Variants in FAM107B observed in about 807,000 individuals in gnomAD.
The protein encoded by FAM107B is family with sequence similarity 107 member B, also known as protein FAM107B.
In FAM107B, 21 loss-of-function variants were observed where a neutral mutation model predicts 31.5. The ratio of observed to expected loss-of-function variants is 0.67; its 90% CI spans 0.47 to 0.96. The LOEUF (loss-of-function observed/expected upper bound fraction) is 0.96, where lower values mean the gene tolerates loss of function less well. Among genes scored for constraint, FAM107B ranks in the 40% least tolerant of loss-of-function variants. FAM107B has a pLI of 0.00. For synonymous variants in FAM107B, 157 were observed against 141.5 expected, an observed-to-expected ratio of 1.11 and a Z score of -0.78; for missense variants, 452 against 377.1, an observed-to-expected ratio of 1.20 and a Z score of -1.64.
intron 1 of FAM107B, among the ~76,000 whole-genome samples, chr10:14,735,182 C>T (rs958014364): frequency 6.6e-5 from 10 of 152,230 alleles, no homozygotes; most frequent in African/African-American, 2.4e-4. Context: ...TAGGATAGAT[C>T]AAGCATGTCC....
chr10:14,575,571 CA>C (rs1851439741), intron 2 of FAM107B, among the ~76,000 whole-genome samples: 1 of 152,090 alleles, frequency 6.6e-6, no homozygotes, highest in African/African-American at 2.4e-5. Context: ...GCCTGGACAC[CA>C]AGGGAATACC....
chr10:14,703,422 C>T lies in FAM107B; in HGVS notation c.412-35731G>A, dbSNP rs191006248. Among the ~76,000 whole-genome samples, 841 of 151,728 alleles carry T rather than the reference C, an allele frequency of 5.5e-3. 8 individuals carry two copies. The highest frequency in any genetic ancestry group is 0.018 in the African/African-American group (751 of 41,342). ...TGTGATCCCGGCTCACTGCAACCTCCGCCTCTGGGTTCAAGCAATTCTGGT... is the reference window on the plus strand; with the variant it reads ...TGTGATCCCGGCTCACTGCAACCTCTGCCTCTGGGTTCAAGCAATTCTGGT... On this transcript the variant is annotated intron_variant, in intron 1 of 4. Coordinates refer to ENST00000181796, the MANE Select transcript of FAM107B (RefSeq NM_031453.4).
chr10:14,529,441 T>C (rs1444807913), intron 3 of FAM107B: 1 of 152,230 alleles, frequency 6.6e-6, no homozygotes, highest in African/African-American at 2.4e-5. Context: ...AGAATTGCCA[T>C]AAAAATGCCC....
rs1849659386 is a variant in FAM107B at position 14,555,925 on chromosome 10, A to ACACG, written c.470-25411_470-25410insCGTG. On this transcript the variant is annotated intron_variant, in intron 2 of 4. Transcript: ENST00000181796. ...CACACACACACACACACACACACAC[A>ACACG]CTGGGCAGTGCAATCAGGCCACACG... The ACACG allele has an allele frequency of 1.3e-5, 2 of 154,508 alleles. 1 individual carries two copies. The highest frequency in any genetic ancestry group is 4.1e-4 in the South Asian group (2 of 4,868). The allele number at this position is 154,508 out of a possible 1,614,324, so 9.6% of individuals were successfully genotyped here.
chr10:14,658,787 G>A (rs1854142244), intron 2 of FAM107B, among the ~76,000 whole-genome samples: 2 of 152,130 alleles, frequency 1.3e-5, no homozygotes, highest in South Asian at 4.1e-4. Flanking sequence ...TATATGTCAG[G>A]CTCCATCCTA....
chr10:14,668,235 G>T (rs748497269), intron 1 of FAM107B, among the ~76,000 whole-genome samples: 20 of 151,920 alleles, frequency 1.3e-4, no homozygotes, highest in African/African-American at 4.8e-4. Flanking sequence ...AGTAGAGACG[G>T]GGTTTCACCA....
rs555470854 is a variant in FAM107B at position 14,738,259 on chromosome 10, A to T, written c.411+35994T>A. On this transcript the variant is annotated intron_variant, in intron 1 of 4. Coordinates refer to ENST00000181796, the MANE Select transcript of FAM107B (RefSeq NM_031453.4). ...GGTTATCTTAGTCTTAAATGAGATAAGATGAAGCTCTCAGAATAGCAAATC... is the reference window on the plus strand; with the variant it reads ...GGTTATCTTAGTCTTAAATGAGATATGATGAAGCTCTCAGAATAGCAAATC... Among the ~76,000 whole-genome samples, 9 of 152,344 alleles carry T rather than the reference A, an allele frequency of 5.9e-5. No homozygotes were observed. In the South Asian group the frequency reaches 1.9e-3, roughly 32 times the overall value.
At chr10:14,643,055 C>A (rs1418745426) in intron 2 of FAM107B, among the ~76,000 whole-genome samples, 1 of 151,996 alleles carries the variant, frequency 6.6e-6, no homozygotes, top group Non-Finnish European at 1.5e-5. Flanking sequence ...CTACTTGGTT[C>A]CAAAATTTGT....
chr10:14,539,098 C>T (rs377610284), intron 2 of FAM107B, among the ~76,000 whole-genome samples: 3 of 152,240 alleles, frequency 2.0e-5, no homozygotes, highest in African/African-American at 7.2e-5. Flanking sequence ...CTCTCCATTA[C>T]TTAATGTTCC....
intron 2 of FAM107B, among the ~76,000 whole-genome samples, chr10:14,586,839 C>G (rs1484294672): frequency 6.6e-6 from 1 of 152,188 alleles, no homozygotes; most frequent in Non-Finnish European, 1.5e-5. Flanking sequence ...CCTCTACCCC[C>G]ACCAGGTTCC....
intron 1 of FAM107B, among the ~76,000 whole-genome samples, chr10:14,672,712 C>T (rs1361895833): frequency 6.6e-6 from 1 of 152,094 alleles, no homozygotes; most frequent in Non-Finnish European, 1.5e-5. Context: ...TAAGTTTATA[C>T]TTAGGGAGTT....
At chr10:14,576,552 A>AC (rs57295974) in intron 2 of FAM107B, among the ~76,000 whole-genome samples, 3,062 of 152,118 alleles carry the variant, frequency 0.02, 106 homozygotes, top group African/African-American at 0.069. Flanking sequence ...AACAACAACA[A>AC]AAAGCCACTG....
intron 2 of FAM107B, among the ~76,000 whole-genome samples, chr10:14,628,067 G>C (rs1289066847): frequency 6.7e-6 from 1 of 149,220 alleles, no homozygotes; most frequent in Non-Finnish European, 1.5e-5. Flanking sequence ...GAAGTCCATA[G>C]CTCTTTCTTT....
intron 2 of FAM107B, among the ~76,000 whole-genome samples, chr10:14,615,330 A>C (rs1852823511): frequency 6.6e-6 from 1 of 152,198 alleles, no homozygotes; most frequent in African/African-American, 2.4e-5. Flanking sequence ...CACCATCTCA[A>C]AAAAACAAAA....
At chr10:14,569,451 A>G (rs753180809) in intron 2 of FAM107B, among the ~76,000 whole-genome samples, 6 of 145,678 alleles carry the variant, frequency 4.1e-5, no homozygotes, top group African/African-American at 1.5e-4. Flanking sequence ...CGTTAAGATC[A>G]TAACATGTGG....
chr10:14,640,296 T>C (rs1853597297), intron 2 of FAM107B, among the ~76,000 whole-genome samples: 1 of 152,224 alleles, frequency 6.6e-6, no homozygotes, highest in South Asian at 2.1e-4. Context: ...ATTAACCACA[T>C]GCTCTGCTGC....
chr10:14,705,043 A>G (rs914066466), intron 1 of FAM107B, among the ~76,000 whole-genome samples: 1 of 150,908 alleles, frequency 6.6e-6, no homozygotes, highest in African/African-American at 2.4e-5. Context: ...AAAAAAAAAA[A>G]TAGACAAAGG....
chr10:14,566,792 G>A (rs748277668), intron 2 of FAM107B, among the ~76,000 whole-genome samples: 12 of 152,228 alleles, frequency 7.9e-5, no homozygotes, highest in Non-Finnish European at 1.5e-4. Flanking sequence ...TGTTTTTGTC[G>A]TAAGATAGGA....
At chr10:14,665,784 A>G (rs999453411) in intron 2 of FAM107B, among the ~76,000 whole-genome samples, 4 of 152,216 alleles carry the variant, frequency 2.6e-5, no homozygotes, top group African/African-American at 9.6e-5. Flanking sequence ...CCTGCTTCCC[A>G]GTGCAAATTG....
Sources: allele counts gnomAD v4.1 joint callset (sites outside exome capture counted in the v4.1 genomes callset), GRCh38; gene constraint gnomAD v4.1.1; transcripts MANE v1.5; gene names NCBI Gene and HGNC (gene_info 2026-07-23, HGNC 2026-07-21).